Variants in GPR137C observed in about 807,000 individuals in gnomAD.
GPR137C encodes integral membrane protein GPR137C.
Under a neutral mutation model 43.4 loss-of-function variants are expected in GPR137C, and 27 were observed. That is an observed-to-expected ratio of 0.62 (90% CI 0.46 to 0.86). The LOEUF is 0.86. Ranked by LOEUF, GPR137C falls within the 40% of genes least tolerant of loss-of-function variation. The pLI, the probability that GPR137C is intolerant of heterozygous loss-of-function variation, is 0.00. For synonymous variants in GPR137C, 285 were observed against 226.9 expected, an observed-to-expected ratio of 1.26 and a Z score of -2.30; for missense variants, 522 against 534.6, an observed-to-expected ratio of 0.98 and a Z score of 0.23.
At chr14:52,601,374 G>T (rs993549800) in intron 3 of GPR137C, among the ~76,000 whole-genome samples, 2 of 151,884 alleles carry the variant, frequency 1.3e-5, no homozygotes, top group African/African-American at 4.8e-5. Flanking sequence ...GTAAAGTAAG[G>T]TACTATAATT....
chr14:52,562,372 A>G (rs2038299222), intron 1 of GPR137C, among the ~76,000 whole-genome samples: 1 of 152,218 alleles, frequency 6.6e-6, no homozygotes. Flanking sequence ...TGGTAGTACT[A>G]TTGATTGTTG....
chr14:52,579,460 C>A (rs572772365), intron 1 of GPR137C, among the ~76,000 whole-genome samples: 1 of 152,292 alleles, frequency 6.6e-6, no homozygotes, highest in South Asian at 2.1e-4. Context: ...GTACCTGATT[C>A]TCCTGGTACC....
chr14:52,555,926 A>G (rs1427586704), intron 1 of GPR137C, among the ~76,000 whole-genome samples: 1 of 152,178 alleles, frequency 6.6e-6, no homozygotes, highest in African/African-American at 2.4e-5. Context: ...AGGAACCTGT[A>G]TTTAAGAGAG....
intron 3 of GPR137C, among the ~76,000 whole-genome samples, chr14:52,603,688 C>G (rs559006697): frequency 6.6e-6 from 1 of 152,080 alleles, no homozygotes; most frequent in Non-Finnish European, 1.5e-5. Flanking sequence ...GTGCCTGACA[C>G]CACGCCTGGC....
At chr14:52,618,598 T>G (rs2039125130) in intron 3 of GPR137C, among the ~76,000 whole-genome samples, 2 of 152,178 alleles carry the variant, frequency 1.3e-5, no homozygotes, top group South Asian at 4.1e-4. Flanking sequence ...ATTTACTTTT[T>G]ATCAGAATTA....
At chr14:52,592,284 CT>C (rs2038794838) in intron 1 of GPR137C, among the ~76,000 whole-genome samples, 1 of 152,084 alleles carries the variant, frequency 6.6e-6, no homozygotes, top group African/African-American at 2.4e-5. Context: ...GTTCTTTTTG[CT>C]GTTTTGCTAG....
At chr14:52,565,233 T>C (rs1318440941) in intron 1 of GPR137C, among the ~76,000 whole-genome samples, 1 of 152,240 alleles carries the variant, frequency 6.6e-6, no homozygotes, top group South Asian at 2.1e-4. Flanking sequence ...CCGAATAAGC[T>C]AAGCAAAACT....
At chr14:52,556,163 C>CT (rs1229592259) in intron 1 of GPR137C, among the ~76,000 whole-genome samples, 2 of 152,140 alleles carry the variant, frequency 1.3e-5, no homozygotes, top group African/African-American at 4.8e-5. Context: ...CCAACTCACT[C>CT]TGTCTTTGCT....
At chr14:52,602,790 G>A (rs1388281292) in intron 3 of GPR137C, among the ~76,000 whole-genome samples, 1 of 152,004 alleles carries the variant, frequency 6.6e-6, no homozygotes, top group African/African-American at 2.4e-5. Flanking sequence ...TATACAAAGT[G>A]GCATTTGTAT....
chr14:52,570,566 G>C (rs1002531476), intron 1 of GPR137C, among the ~76,000 whole-genome samples: 4 of 152,120 alleles, frequency 2.6e-5, no homozygotes. Flanking sequence ...TGGATAAAGA[G>C]TCAAGACCCA....
chr14:52,591,493 T>C (rs2038783913), intron 1 of GPR137C, among the ~76,000 whole-genome samples: 1 of 152,212 alleles, frequency 6.6e-6, no homozygotes, highest in South Asian at 2.1e-4. Context: ...GCATCTGTTG[T>C]TTCCTGACTT....
intron 1 of GPR137C, among the ~76,000 whole-genome samples, chr14:52,554,485 A>C (rs2038162009): frequency 6.6e-6 from 1 of 152,254 alleles, no homozygotes; most frequent in East Asian, 1.9e-4. Flanking sequence ...TTGGGAGTGT[A>C]AGGTTGTCAA....
chr14:52,630,416 T>C (rs2039281143), intron 3 of GPR137C, among the ~76,000 whole-genome samples: 1 of 152,092 alleles, frequency 6.6e-6, no homozygotes, highest in African/African-American at 2.4e-5. Context: ...ACATTACTTC[T>C]AAAATTGGAT....
At chr14:52,617,135 A>G (rs560506205) in intron 3 of GPR137C, among the ~76,000 whole-genome samples, 14 of 152,184 alleles carry the variant, frequency 9.2e-5, no homozygotes, top group African/African-American at 2.9e-4. Flanking sequence ...TATGATATCT[A>G]TTTTTGGTAC....
intron 1 of GPR137C, among the ~76,000 whole-genome samples, chr14:52,578,300 AAT>A (rs1168803754): frequency 6.6e-6 from 1 of 151,910 alleles, no homozygotes; most frequent in Non-Finnish European, 1.5e-5. Flanking sequence ...TGGAGCTCTT[AAT>A]GTTTGGATGT....
intron 1 of GPR137C, among the ~76,000 whole-genome samples, chr14:52,557,572 T>C (rs756436733): frequency 3.9e-5 from 6 of 152,340 alleles, no homozygotes; most frequent in Non-Finnish European, 8.8e-5. Context: ...TTTGTCTGAA[T>C]CTACTAAATT....
At chr14:52,565,166 C>G (rs904048396) in intron 1 of GPR137C, among the ~76,000 whole-genome samples, 4 of 152,154 alleles carry the variant, frequency 2.6e-5, no homozygotes, top group Admixed American at 6.5e-5. Flanking sequence ...AATGAGAAAT[C>G]TACTTTTTAA....
intron 3 of GPR137C, among the ~76,000 whole-genome samples, chr14:52,619,540 C>T (rs1594805603): frequency 6.6e-6 from 1 of 152,160 alleles, no homozygotes; most frequent in African/African-American, 2.4e-5. Context: ...TATTCTGTTG[C>T]TGAGCTGACC....
At chr14:52,611,116 T>C (rs1018702714) in intron 3 of GPR137C, among the ~76,000 whole-genome samples, 1 of 152,136 alleles carries the variant, frequency 6.6e-6, no homozygotes, top group Non-Finnish European at 1.5e-5. Flanking sequence ...CCATCAATAT[T>C]TGGGTCTAAA....
Sources: gnomAD v4.1 joint callset for allele counts (sites outside exome capture counted in the v4.1 genomes callset) on GRCh38, gnomAD v4.1.1 for gene constraint, MANE v1.5 for transcripts, NCBI Gene and HGNC (gene_info 2026-07-23, HGNC 2026-07-21) for gene names.